The following PHLDB2 variants were observed in gnomAD, a reference collection of about 807,000 sequenced individuals.
PHLDB2 encodes pleckstrin homology like domain family B member 2, also known as pleckstrin homology-like domain family B member 2.
A neutral mutation model predicts 123.6 loss-of-function variants in PHLDB2; 71 were observed. The observed-to-expected ratio is 0.57, with a 90% confidence interval of 0.47 to 0.70. The LOEUF (loss-of-function observed/expected upper bound fraction) is 0.70. PHLDB2 is among the 30% of genes least tolerant of loss of function. The probability of loss-of-function intolerance (pLI) is 0.00; values close to 1 mark genes in which losing one functional copy is unlikely to be tolerated. For missense variants in PHLDB2, 1,446 were observed against 1,519.5 expected (o/e 0.95, Z 0.80); for synonymous variants, 547 against 541.6 (o/e 1.01, Z -0.14).
intron 9 of PHLDB2, among the ~76,000 whole-genome samples, 197 bp from the exon 10 acceptor site, chr3:111,948,735 T>C (rs1011464733): frequency 6.6e-6 from 1 of 152,198 alleles, no homozygotes; most frequent in Non-Finnish European, 1.5e-5. Context: ...GTTTAATACT[T>C]AGAATGCCAA....
At chr3:111,913,278 C>T in intron 2 of PHLDB2, 41 bp from the exon 3 acceptor site, 2 of 1,533,408 alleles carry the variant, frequency 1.3e-6, no homozygotes, top group Non-Finnish European at 1.7e-6. Context: ...AGTATTCATT[C>T]TCACAAACCC....
intron 5 of PHLDB2, among the ~76,000 whole-genome samples, chr3:111,930,280 T>C (rs1461717212): frequency 2.0e-5 from 3 of 152,150 alleles, no homozygotes; most frequent in Non-Finnish European, 4.4e-5. Context: ...TTGTTATTTC[T>C]TCAGATTTGA....
At position 111,859,545 on chromosome 3, in the gene PHLDB2, C is replaced by A; in HGVS notation, c.-46C>A. On this transcript the variant is annotated 5_prime_UTR_variant, in exon 1 of 18. Coordinates refer to ENST00000431670, the MANE Select transcript of PHLDB2 (RefSeq NM_001134438.2). Reference sequence around the variant, plus strand: ...CGCAAGGAGCGCGCCTGCCTTCTCTCGCCGCCGGGAACGGGCTGCACCAAT... The same window carrying A: ...CGCAAGGAGCGCGCCTGCCTTCTCTAGCCGCCGGGAACGGGCTGCACCAAT... 1 of 985,566 alleles carries A rather than the reference C, an allele frequency of 1.0e-6. No individual in the cohort carries two copies. The highest frequency in any genetic ancestry group is 1.2e-6 in the Non-Finnish European group (1 of 830,016). The allele number at this position is 985,566 out of a possible 1,614,324, so 61.1% of individuals were successfully genotyped here.
At chr3:111,921,906 C>G (rs2068531941) in intron 5 of PHLDB2, among the ~76,000 whole-genome samples, 1 of 152,156 alleles carries the variant, frequency 6.6e-6, no homozygotes, top group African/African-American at 2.4e-5. Flanking sequence ...CCGGCCCAAA[C>G]TTTTAAGTAG....
At chr3:111,966,504 TGTGTGTGTGTGTGTGTGTCTGGG>T (rs1444251007) in intron 13 of PHLDB2, 86 bp from the exon 14 acceptor site, 12 of 464,760 alleles carry the variant, frequency 2.6e-5, no homozygotes, top group South Asian at 3.8e-5. Flanking sequence ...TGACCCCATG[TGTGTGTGTGTGTGTGTGTCTGGG>T]GTGTGTGTGT....
upstream of PHLDB2, among the ~76,000 whole-genome samples, chr3:111,855,729 A>G (rs190385421): frequency 1.6e-3 from 218 of 139,984 alleles, 1 homozygote; most frequent in Non-Finnish European, 1.1e-3. Flanking sequence ...TCGAATTCTC[A>G]GGTGATTCTC....
chr3:111,873,775 A>T (rs930602329), intron 1 of PHLDB2, among the ~76,000 whole-genome samples: 2 of 152,186 alleles, frequency 1.3e-5, no homozygotes, highest in African/African-American at 4.8e-5. Flanking sequence ...TGTCTATTCT[A>T]ACATCTCAGA....
intron 1 of PHLDB2, among the ~76,000 whole-genome samples, chr3:111,840,493 G>C (rs2063633531): frequency 6.6e-6 from 1 of 152,038 alleles, no homozygotes; most frequent in African/African-American, 2.4e-5. Context: ...CATTGATATT[G>C]GATAATGGCT....
At chr3:111,902,809 T>C (rs1187342027) in intron 2 of PHLDB2, among the ~76,000 whole-genome samples, 1 of 152,158 alleles carries the variant, frequency 6.6e-6, no homozygotes, top group Non-Finnish European at 1.5e-5. Context: ...CAGCTAATTT[T>C]TGTATTTTCT....
At chr3:111,760,208 A>G (rs1171026772) in intron 1 of PHLDB2, among the ~76,000 whole-genome samples, 1 of 152,254 alleles carries the variant, frequency 6.6e-6, no homozygotes, top group Non-Finnish European at 1.5e-5. Context: ...ACCAGAGAGC[A>G]ATATAAAGTG....
At chr3:111,761,444 A>G (rs2059992915) in intron 1 of PHLDB2, among the ~76,000 whole-genome samples, 1 of 152,212 alleles carries the variant, frequency 6.6e-6, no homozygotes, top group Non-Finnish European at 1.5e-5. Flanking sequence ...GACACTGTTG[A>G]TGAAATTTAT....
At chr3:111,787,862 C>T (rs1287674866) in intron 1 of PHLDB2, among the ~76,000 whole-genome samples, 1 of 152,130 alleles carries the variant, frequency 6.6e-6, no homozygotes, top group Non-Finnish European at 1.5e-5. Flanking sequence ...TGAAGATACA[C>T]CAATTTTTTT....
At chr3:111,826,086 G>A (rs768184115) in intron 1 of PHLDB2, among the ~76,000 whole-genome samples, 4 of 152,000 alleles carry the variant, frequency 2.6e-5, no homozygotes, top group Non-Finnish European at 5.9e-5. Context: ...AGGATCACCT[G>A]AGGTCAGGAG....
At chr3:111,950,343 C>T (rs993957609) in intron 10 of PHLDB2, among the ~76,000 whole-genome samples, 3 of 152,042 alleles carry the variant, frequency 2.0e-5, no homozygotes, top group Non-Finnish European at 4.4e-5. Flanking sequence ...AATCAGAGTA[C>T]CTTTGTTTTA....
At position 111,885,113 on chromosome 3, in the gene PHLDB2, ACCT is replaced by A; in HGVS notation, c.1043_1045del (p.Ser348del). On this transcript the variant is annotated inframe_deletion, in exon 2 of 18. Transcript: ENST00000431670. ...GGCTCGGAAGATGCTTCTGGCCTCC[ACCT>A]CCTCCTGTGCCTCTGATGACTTTGA... The A allele has an allele frequency of 6.2e-7, 1 of 1,613,748 alleles. No homozygotes were observed. The highest frequency in any genetic ancestry group is 8.5e-7 in the Non-Finnish European group (1 of 1,179,938).
In PHLDB2 at chr3:111,795,903, T is replaced by C. The variant is rs550045149; in HGVS notation, c.-48-49918T>C. On this transcript the variant is annotated intron_variant, in intron 1 of 17. Coordinates refer to the PHLDB2 transcript ENST00000393923. ...CACCCCACCCATCTAATTTTTGTTT[T>C]GTTTGTTTATTTGTTTTGAGTCTCA... Among the ~76,000 whole-genome samples, 138 of 152,108 alleles carry C rather than the reference T, an allele frequency of 9.1e-4. 2 individuals are homozygous for C. The highest frequency in any genetic ancestry group is 3.4e-3 in the Middle Eastern group (1 of 294).
intron 1 of PHLDB2, among the ~76,000 whole-genome samples, chr3:111,878,217 T>A (rs1302936459): frequency 6.6e-6 from 1 of 152,222 alleles, no homozygotes; most frequent in Admixed American, 6.5e-5. Flanking sequence ...TTGCGTCCTC[T>A]CTTATTTCTT....
At chr3:111,759,806 G>A (rs1174122490) in intron 1 of PHLDB2, among the ~76,000 whole-genome samples, 1 of 152,188 alleles carries the variant, frequency 6.6e-6, no homozygotes, top group African/African-American at 2.4e-5. Context: ...GTCAGATTTT[G>A]GATTTGAGTT....
At chr3:111,871,311 G>A (rs907727794) in intron 1 of PHLDB2, among the ~76,000 whole-genome samples, 2 of 152,120 alleles carry the variant, frequency 1.3e-5, no homozygotes, top group East Asian at 3.9e-4. Context: ...ACACAACACA[G>A]CACAATACAA....
Sources: gnomAD v4.1 joint callset for allele counts (sites outside exome capture counted in the v4.1 genomes callset) on GRCh38, gnomAD v4.1.1 for gene constraint, MANE v1.5 for transcripts, NCBI Gene and HGNC (gene_info 2026-07-23, HGNC 2026-07-21) for gene names.